LIMS2: variants seen among roughly 807,000 people sequenced by gnomAD.
LIMS2 encodes the protein LIM zinc finger domain containing 2.
LIMS2 carries 30 observed loss-of-function variants against 45.3 expected under a neutral mutation model. The ratio of observed to expected loss-of-function variants is 0.66; its 90% CI spans 0.50 to 0.90. LIMS2 has a LOEUF of 0.90. LIMS2 is among the 40% of genes least tolerant of loss of function. LIMS2 has a pLI of 0.00. For missense variants in LIMS2, 485 were observed against 468.7 expected (o/e 1.03, Z -0.32); for synonymous variants, 173 against 188.0 (o/e 0.92, Z 0.65).
intron 1 of LIMS2, among the ~76,000 whole-genome samples, chr2:127,668,507 A>G (rs1685118672): frequency 6.6e-6 from 1 of 151,688 alleles, no homozygotes; most frequent in African/African-American, 2.4e-5. Context: ...GATCTCTACT[A>G]CAAATATAAA....
intron 4 of LIMS2, among the ~76,000 whole-genome samples, chr2:127,649,184 G>GAAGGA (rs1164942586): frequency 6.6e-6 from 1 of 151,028 alleles, no homozygotes; most frequent in Admixed American, 6.6e-5. Flanking sequence ...AGGAAGGAAG[G>GAAGGA]AAGGAAGGAA....
At chr2:127,679,090 T>C (rs1045841638), upstream of LIMS2, among the ~76,000 whole-genome samples, 10 of 152,036 alleles carry the variant, frequency 6.6e-5, no homozygotes, top group African/African-American at 2.4e-4. The surrounding 1 kb of genome is among the most constrained non-coding windows in gnomAD (Gnocchi z 5.3). Context: ...CTGCCCCGTG[T>C]GCACACTGCT....
chr2:127,660,664 T>G (rs1284341717), intron 1 of LIMS2, among the ~76,000 whole-genome samples: 1 of 151,372 alleles, frequency 6.6e-6, no homozygotes, highest in African/African-American at 2.5e-5. Flanking sequence ...CTTGAAGAAC[T>G]GTAACACTCA....
At chr2:127,660,537 A>T (rs1323342011) in intron 1 of LIMS2, among the ~76,000 whole-genome samples, 1 of 152,154 alleles carries the variant, frequency 6.6e-6, no homozygotes, top group Non-Finnish European at 1.5e-5. Flanking sequence ...GAACTGTAAC[A>T]CTCAGTGGGA....
At chr2:127,641,055 A>G (rs1002237522) in intron 6 of LIMS2, 67 bp from the exon 7 acceptor site, 2 of 1,321,820 alleles carry the variant, frequency 1.5e-6, no homozygotes, top group African/African-American at 1.4e-5. Flanking sequence ...GACAGTGGTG[A>G]CCCGGGGACA....
intron 2 of LIMS2, chr2:127,655,797 G>A (rs1306076756): frequency 6.6e-6 from 1 of 152,352 alleles, no homozygotes; most frequent in Non-Finnish European, 1.5e-5. Context: ...GCGGACCACA[G>A]GCCCCACATC....
At position 127,671,241 on chromosome 2, in the gene LIMS2, C is replaced by A. The variant is rs1685257359; in HGVS notation, c.11+3773G>T. On this transcript the variant is annotated intron_variant, in intron 1 of 9. Transcript: ENST00000355119. This position sits in a 1 kb window ranked among gnomAD's most constrained non-coding sequence, Gnocchi z 4.1. ...GGTCAGAAGATCAAGACCACCATGG[C>A]CAACACGGTAAAACCCCATCTCCAA... 6.6e-6 allele frequency among the ~76,000 whole-genome samples: 1 copy of A among 151,992 alleles called. No homozygotes were observed. Among genetic ancestry groups the A allele is most frequent in the Non-Finnish European group, 1.5e-5 (1 of 68,006 alleles).
Position 127,675,038 on chromosome 2 carries a change from C to T in LIMS2, c.-14G>A. 8.1e-7 allele frequency: 1 copy of T among 1,229,240 alleles called. No individual in the cohort carries two copies. The highest frequency in any genetic ancestry group is 1.0e-6 in the Non-Finnish European group (1 of 985,170). 76.1% of individuals were successfully genotyped at this position (1,229,240 alleles called of 1,614,324 possible). On this transcript the variant is annotated 5_prime_UTR_variant, in exon 1 of 10. Coordinates refer to ENST00000355119, the MANE Select transcript of LIMS2 (RefSeq NM_001161403.3). Reference sequence around the variant, plus strand: ...CCTTCCCGTCATGGTGGCAGCGACGCCGAGCCCTGGGTTGCCGGGGTTGCC... The same window carrying T: ...CCTTCCCGTCATGGTGGCAGCGACGTCGAGCCCTGGGTTGCCGGGGTTGCC...
intron 6 of LIMS2, chr2:127,641,197 GAC>G (rs964339724): frequency 1.3e-5 from 7 of 550,020 alleles, no homozygotes; most frequent in Non-Finnish European, 2.0e-5. Flanking sequence ...AGAGGGGACT[GAC>G]ACCTCTGTGA....
At position 127,640,116 on chromosome 2, in the gene LIMS2, C is replaced by T. The variant is rs751378176; in HGVS notation, c.832G>A (p.Val278Met). 1.2e-6 allele frequency: 2 copies of T among 1,613,504 alleles called. No individual in the cohort carries two copies. The highest frequency in any genetic ancestry group is 1.7e-5 in the Admixed American group (1 of 60,032). Reference protein sequence around the residue: ...VVSALNKAWCVSCFSCSTCNS... With the variant: ...VVSALNKAWCMSCFSCSTCNS... ...CAGGTGGAGCAGGAGAAGCAGCTCA[C>T]ACACCAGGCCTTGTTGAGGGCCGAC... The change falls in exon 9 of 10, where the codon GTG becomes ATG. Residue 278 changes from valine (V) to methionine (M), a missense_variant. Coordinates refer to ENST00000355119, the MANE Select transcript of LIMS2 (RefSeq NM_001161403.3).
At chr2:127,651,791 T>C (rs1001122135) in intron 4 of LIMS2, 2 of 1,585,742 alleles carry the variant, frequency 1.3e-6, no homozygotes, top group Admixed American at 1.7e-5. Context: ...GCAGACTGTT[T>C]AGGACTCAGC....
In LIMS2 at chr2:127,639,247, G is replaced by T. The variant is rs749066188; in HGVS notation, c.*34C>A. ...CATGGACAGCAGGAGGGGAGAAGGC[G>T]GAGGGGCCGAGAGGCAGCTGCGCAA... On this transcript the variant is annotated 3_prime_UTR_variant, in exon 10 of 10. Coordinates refer to ENST00000355119, the MANE Select transcript of LIMS2 (RefSeq NM_001161403.3). 4.4e-6 allele frequency: 7 copies of T among 1,607,604 alleles called. No homozygotes were observed. Among genetic ancestry groups the T allele is most frequent in the Non-Finnish European group, 6.0e-6 (7 of 1,176,284 alleles).
At chr2:127,662,500 T>C (rs1019223216) in intron 1 of LIMS2, among the ~76,000 whole-genome samples, 1 of 151,466 alleles carries the variant, frequency 6.6e-6, no homozygotes, top group African/African-American at 2.4e-5. Context: ...AACAAAAATG[T>C]ACAAAAAGCC....
rs116152053 is a variant in LIMS2 at position 127,671,736 on chromosome 2, T to C, written c.11+3278A>G. 0.015 allele frequency among the ~76,000 whole-genome samples: 2,208 copies of C among 152,132 alleles called. 53 individuals are homozygous for C. Among genetic ancestry groups the C allele is most frequent in the African/African-American group, 0.05 (2,095 of 41,502 alleles). ...AGAAGGGGCCAGTCAGCACCAGAAG[T>C]AGAAGAAAAAGGAAGGAGGTGAGGG... On this transcript the variant is annotated intron_variant, in intron 1 of 9. Transcript: ENST00000355119. This position sits in a 1 kb window ranked among gnomAD's most constrained non-coding sequence, Gnocchi z 4.1.
At chr2:127,663,954 G>A (rs1573836512) in intron 1 of LIMS2, among the ~76,000 whole-genome samples, 2 of 152,262 alleles carry the variant, frequency 1.3e-5, no homozygotes, top group South Asian at 4.1e-4. Context: ...AGCCATGTTT[G>A]GGGTGGGTGA....
At chr2:127,641,118 C>T in intron 6 of LIMS2, 130 bp from the exon 7 acceptor site, 1 of 673,800 alleles carries the variant, frequency 1.5e-6, no homozygotes, top group Non-Finnish European at 2.6e-6. Flanking sequence ...CCCCAGGAGG[C>T]AGCAGTGACA....
At chr2:127,643,986 C>G (rs1237339787) in intron 4 of LIMS2, 1 of 452,198 alleles carries the variant, frequency 2.2e-6, no homozygotes, top group East Asian at 7.0e-5. Flanking sequence ...CAATCGCAGA[C>G]CCAAGATCCC....
Position 127,642,961 on chromosome 2 carries a change from G to A in LIMS2, c.471C>T (p.Asp157=), listed in dbSNP as rs761802077. The part of the protein sequence containing the change: ...IDEQPLMFRS[D]AYHPDHFNCT... Reference sequence around the variant, plus strand: ...AGTTGAAGTGGTCAGGGTGGTAGGCGTCGCTCCTGAACATGAGGGGCTGCT... The same window carrying A: ...AGTTGAAGTGGTCAGGGTGGTAGGCATCGCTCCTGAACATGAGGGGCTGCT... The change falls in exon 5 of 10, where the codon GAC becomes GAT. Residue 157 remains aspartate (D), a synonymous_variant. Transcript: ENST00000355119. The surrounding 1 kb of genome is among the most constrained non-coding windows in gnomAD (Gnocchi z 5.3). The A allele has an allele frequency of 3.1e-5, 49 of 1,568,162 alleles. No individual in the cohort carries two copies. The highest frequency in any genetic ancestry group is 3.3e-4 in the Middle Eastern group (2 of 6,032).
At chr2:127,666,671 G>A (rs1352034774) in intron 1 of LIMS2, among the ~76,000 whole-genome samples, 5 of 144,512 alleles carry the variant, frequency 3.5e-5, no homozygotes, top group East Asian at 1.9e-4. Flanking sequence ...CATGAGACTC[G>A]GTAAATTATA....
Sources: allele counts gnomAD v4.1 joint callset (sites outside exome capture counted in the v4.1 genomes callset), GRCh38; gene constraint gnomAD v4.1.1; non-coding constraint Gnocchi (gnomAD v3.1); transcripts MANE v1.5; gene names NCBI Gene and HGNC (gene_info 2026-07-23, HGNC 2026-07-21).